Variants in ANKS1B observed in about 807,000 individuals in gnomAD.
The protein encoded by ANKS1B is ankyrin repeat and sterile alpha motif domain-containing protein 1B.
A neutral mutation model predicts 148.3 loss-of-function variants in ANKS1B; 36 were observed. That is an observed-to-expected ratio of 0.24 (90% CI 0.19 to 0.32). The LOEUF (loss-of-function observed/expected upper bound fraction) is 0.32, where lower values mean the gene tolerates loss of function less well. Among genes scored for constraint, ANKS1B ranks in the 10% least tolerant of loss-of-function variants. The probability of loss-of-function intolerance (pLI) is 1.00; values close to 1 mark genes in which losing one functional copy is unlikely to be tolerated. For synonymous variants in ANKS1B, 542 were observed against 560.8 expected, an observed-to-expected ratio of 0.97 and a Z score of 0.47; for missense variants, 1,157 against 1,542.6, an observed-to-expected ratio of 0.75 and a Z score of 4.19.
chr12:99,190,264 C>A (rs930835590), intron 14 of ANKS1B, among the ~76,000 whole-genome samples: 1 of 152,126 alleles, frequency 6.6e-6, no homozygotes, highest in African/African-American at 2.4e-5. Flanking sequence ...GTCCATACTA[C>A]CCAAAGCAAT....
intron 24 of ANKS1B, among the ~76,000 whole-genome samples, chr12:98,776,941 A>C (rs1472806040): frequency 6.6e-6 from 1 of 152,238 alleles, no homozygotes; most frequent in South Asian, 2.1e-4. Flanking sequence ...CTGTAATTCC[A>C]GTGCTTTGGG....
intron 8 of ANKS1B, among the ~76,000 whole-genome samples, chr12:99,761,207 C>T (rs1310739455): frequency 6.6e-6 from 1 of 150,534 alleles, no homozygotes; most frequent in Non-Finnish European, 1.5e-5. Context: ...CATGAAGCCG[C>T]CATCATCCTA....
chr12:99,691,024 T>C (rs572958627), intron 8 of ANKS1B, among the ~76,000 whole-genome samples: 3 of 152,362 alleles, frequency 2.0e-5, no homozygotes, highest in African/African-American at 7.2e-5. Flanking sequence ...TCTTGACTTC[T>C]GTGCACCCAT....
intron 10 of ANKS1B, among the ~76,000 whole-genome samples, chr12:99,473,797 T>G: frequency 6.6e-6 from 1 of 152,078 alleles, no homozygotes; most frequent in East Asian, 1.9e-4. Flanking sequence ...TACTTTGTAG[T>G]GCTTATACCT....
chr12:99,576,073 A>C (rs1023894566), intron 9 of ANKS1B, among the ~76,000 whole-genome samples: 3 of 152,130 alleles, frequency 2.0e-5, no homozygotes, highest in Non-Finnish European at 4.4e-5. Flanking sequence ...AGCAAACAGA[A>C]AACACAAAAG....
chr12:99,697,202 T>C (rs1479889204), intron 8 of ANKS1B, among the ~76,000 whole-genome samples: 3 of 152,196 alleles, frequency 2.0e-5, no homozygotes, highest in Admixed American at 6.5e-5. Flanking sequence ...AATCCTACCA[T>C]GTGGTCTAGT....
intron 9 of ANKS1B, among the ~76,000 whole-genome samples, chr12:99,525,248 C>T (rs1567272829): frequency 6.6e-6 from 1 of 152,174 alleles, no homozygotes; most frequent in Non-Finnish European, 1.5e-5. Flanking sequence ...TGGGAAAATA[C>T]ACCTTATCAT....
intron 4 of ANKS1B, among the ~76,000 whole-genome samples, chr12:99,801,608 C>T (rs55987821): frequency 0.011 from 1,664 of 152,016 alleles, 33 homozygotes; most frequent in African/African-American, 0.038. Context: ...TTTCTAACTA[C>T]GTTGCTACAA....
intron 2 of ANKS1B, among the ~76,000 whole-genome samples, chr12:99,823,825 C>A (rs1277926768): frequency 1.3e-5 from 2 of 152,156 alleles, no homozygotes; most frequent in African/African-American, 2.4e-5. Flanking sequence ...GCTATCCTAG[C>A]ACTATTTATT....
chr12:99,443,573 C>T (rs2095585629), intron 11 of ANKS1B, 100 bp downstream of exon 11: 4 of 1,213,214 alleles, frequency 3.3e-6, no homozygotes, highest in Non-Finnish European at 3.4e-6. Flanking sequence ...CATTGACATA[C>T]CACATAAAAC....
At chr12:99,119,426 T>C (rs149236875) in intron 15 of ANKS1B, among the ~76,000 whole-genome samples, 1 of 152,188 alleles carries the variant, frequency 6.6e-6, no homozygotes, top group Admixed American at 6.5e-5. Flanking sequence ...AGATAAATGT[T>C]TTTTTTAGCC....
chr12:98,998,329 A>ATAT (rs1304072784), intron 17 of ANKS1B, among the ~76,000 whole-genome samples: 1 of 152,222 alleles, frequency 6.6e-6, no homozygotes, highest in East Asian at 1.9e-4. Flanking sequence ...GTTTACTTAT[A>ATAT]TATTATTATT....
intron 12 of ANKS1B, among the ~76,000 whole-genome samples, chr12:99,358,686 T>TACAC (rs34631898): frequency 0.018 from 2,632 of 149,606 alleles, 33 homozygotes; most frequent in Non-Finnish European, 0.023. Context: ...TGTGCATGCA[T>TACAC]ACACACACAC....
chr12:99,058,671 G>T (rs2153549470), intron 16 of ANKS1B, among the ~76,000 whole-genome samples: 1 of 146,668 alleles, frequency 6.8e-6, no homozygotes, highest in African/African-American at 2.5e-5. Context: ...CATTCCCTCT[G>T]CTAGGAATAC....
At chr12:99,880,430 T>C (rs1318671320) in intron 1 of ANKS1B, among the ~76,000 whole-genome samples, 2 of 152,190 alleles carry the variant, frequency 1.3e-5, no homozygotes, top group African/African-American at 2.4e-5. Context: ...AGCCCAAGGA[T>C]AGCATCATTC....
chr12:99,205,585 C>T (rs950876303), intron 14 of ANKS1B, among the ~76,000 whole-genome samples: 1 of 152,162 alleles, frequency 6.6e-6, no homozygotes, highest in Non-Finnish European at 1.5e-5. Flanking sequence ...TCACGGAGCC[C>T]CAGTCTGTTC....
intron 9 of ANKS1B, among the ~76,000 whole-genome samples, chr12:99,645,276 TAA>T (rs1487965623): frequency 6.6e-6 from 1 of 152,244 alleles, no homozygotes; most frequent in Non-Finnish European, 1.5e-5. Flanking sequence ...TTGGTTCTTT[TAA>T]AAGTTTTGGG....
Position 99,873,970 on chromosome 12 carries a change from T to C in ANKS1B, c.135-48581A>G, listed in dbSNP as rs759877373. 1.0e-3 allele frequency among the ~76,000 whole-genome samples: 156 copies of C among 150,450 alleles called. 1 individual carries two copies. The highest frequency in any genetic ancestry group is 3.4e-3 in the Middle Eastern group (1 of 294). On this transcript the variant is annotated intron_variant, in intron 1 of 26. Transcript: ENST00000683438. ...TTTTGGACTTGCCAAATCTCCATAA[T>C]CTTGTGTGCCAATTCCTTAAAATAA... is the stretch of plus-strand genomic sequence containing the variant.
chr12:99,391,860 G>A (rs2094083618), intron 12 of ANKS1B, among the ~76,000 whole-genome samples: 1 of 152,116 alleles, frequency 6.6e-6, no homozygotes, highest in Non-Finnish European at 1.5e-5. Context: ...AAAAGTACAG[G>A]AGACACATTT....
Sources: gnomAD v4.1 joint callset for allele counts (sites outside exome capture counted in the v4.1 genomes callset) on GRCh38, gnomAD v4.1.1 for gene constraint, MANE v1.5 for transcripts, NCBI Gene and HGNC (gene_info 2026-07-23, HGNC 2026-07-21) for gene names.